Variants in ANK3 observed in about 807,000 individuals in gnomAD.
ANK3 encodes ankyrin-3.
In ANK3, 57 loss-of-function variants were observed where a neutral mutation model predicts 370.9. That is an observed-to-expected ratio of 0.15 (90% CI 0.12 to 0.19). ANK3 has a LOEUF of 0.19. ANK3 is among the 10% of genes least tolerant of loss of function. The pLI is 1.00. For missense variants in ANK3, 4,439 were observed against 5,302.1 expected, an observed-to-expected ratio of 0.84 and a Z score of 5.06; for synonymous variants, 1,929 against 1,946.3, an observed-to-expected ratio of 0.99 and a Z score of 0.23.
intron 1 of ANK3, among the ~76,000 whole-genome samples, chr10:60,681,755 T>C (rs562234870): frequency 1.3e-5 from 2 of 152,306 alleles, no homozygotes; most frequent in South Asian, 4.1e-4. Context: ...GACTTGGACA[T>C]GGAAGTAAGT....
At chr10:60,453,708 C>T (rs1180860277) in intron 2 of ANK3, among the ~76,000 whole-genome samples, 3 of 151,936 alleles carry the variant, frequency 2.0e-5, no homozygotes, top group Non-Finnish European at 2.9e-5. Context: ...AGGAAACAGC[C>T]TCTCTCTCTA....
intron 2 of ANK3, among the ~76,000 whole-genome samples, chr10:60,431,127 A>C (rs1343821367): frequency 6.6e-6 from 1 of 152,210 alleles, no homozygotes; most frequent in Non-Finnish European, 1.5e-5. Context: ...CAATGAAATA[A>C]TTACACAACT....
intron 1 of ANK3, among the ~76,000 whole-genome samples, chr10:60,318,218 G>A (rs1245127004): frequency 6.6e-6 from 1 of 151,982 alleles, no homozygotes; most frequent in Non-Finnish European, 1.5e-5. Flanking sequence ...ATTAAGCCTG[G>A]CATGCATTAG....
At chr10:60,340,786 C>T (rs1221926087) in intron 1 of ANK3, among the ~76,000 whole-genome samples, 1 of 152,154 alleles carries the variant, frequency 6.6e-6, no homozygotes, top group Non-Finnish European at 1.5e-5. Context: ...GGTGGCAACG[C>T]TGAGCAGCCA....
At chr10:60,371,647 C>T (rs1192882490) in intron 1 of ANK3, among the ~76,000 whole-genome samples, 1 of 152,114 alleles carries the variant, frequency 6.6e-6, no homozygotes, top group East Asian at 1.9e-4. Flanking sequence ...ATTCTCCAGT[C>T]AAGATAATTC....
chr10:60,078,110 G>C (rs1209160757), intron 36 of ANK3, among the ~76,000 whole-genome samples: 3 of 152,218 alleles, frequency 2.0e-5, no homozygotes, highest in Non-Finnish European at 2.9e-5. Flanking sequence ...GTTCAGAATA[G>C]TGAAACTCAA....
chr10:60,117,634 T>C (rs1198224899), intron 25 of ANK3, among the ~76,000 whole-genome samples: 1 of 152,078 alleles, frequency 6.6e-6, no homozygotes, highest in Non-Finnish European at 1.5e-5. Context: ...CTGGCCAACA[T>C]GGTGAAACCC....
chr10:60,363,934 C>G (rs2059012547), intron 1 of ANK3, among the ~76,000 whole-genome samples: 2 of 150,726 alleles, frequency 1.3e-5, no homozygotes. Context: ...AAAGGTGTTA[C>G]CAGCCCACTG....
intron 1 of ANK3, among the ~76,000 whole-genome samples, chr10:60,629,000 T>C (rs2078446968): frequency 6.6e-6 from 1 of 152,186 alleles, no homozygotes; most frequent in Non-Finnish European, 1.5e-5. Context: ...AAATAGTTTC[T>C]CTGCTTTTTT....
intron 1 of ANK3, among the ~76,000 whole-genome samples, chr10:60,643,212 C>G (rs2078659622): frequency 6.6e-6 from 1 of 152,088 alleles, no homozygotes; most frequent in Admixed American, 6.6e-5. Context: ...AGGAGAATAA[C>G]ATTTGAGTCA....
At chr10:60,397,696 T>G (rs773709436) in intron 2 of ANK3, among the ~76,000 whole-genome samples, 1 of 152,200 alleles carries the variant, frequency 6.6e-6, no homozygotes, top group African/African-American at 2.4e-5. Context: ...TCAGACTAAT[T>G]GAGTTTCATG....
At chr10:60,423,922 T>C (rs2063827813) in intron 2 of ANK3, among the ~76,000 whole-genome samples, 1 of 152,082 alleles carries the variant, frequency 6.6e-6, no homozygotes, top group Non-Finnish European at 1.5e-5. Context: ...TGATGGTGGT[T>C]TTAAAGAAAA....
chr10:60,636,599 C>G (rs577697241), intron 1 of ANK3, among the ~76,000 whole-genome samples: 2 of 152,288 alleles, frequency 1.3e-5, no homozygotes, highest in South Asian at 4.1e-4. Flanking sequence ...CCAGGAAAAA[C>G]AGCAGATTCT....
intron 37 of ANK3, 149 bp downstream of exon 37, chr10:60,068,488 C>T: frequency 1.2e-6 from 1 of 821,684 alleles, no homozygotes; most frequent in Non-Finnish European, 1.9e-6. Flanking sequence ...ATGACAATGA[C>T]ATAATGAGAA....
rs1189431623 is a variant in ANK3 at position 60,071,172 on chromosome 10, T to C, written c.9709A>G (p.Ser3237Gly). The C allele has an allele frequency of 6.2e-7, 1 of 1,614,046 alleles. No homozygotes were observed. The highest frequency in any genetic ancestry group is 8.5e-7 in the Non-Finnish European group (1 of 1,180,014). The change falls in exon 37 of 44, where the codon AGC becomes GGC. Residue 3237 changes from serine to glycine, a missense_variant. Physicochemically the swap from Ser to Gly is moderately conservative, Grantham distance 56. This residue lies in a region of ANK3 where 1,601 missense variants were observed against 1,731.7 expected (regional missense o/e 0.92). Transcript: ENST00000280772. ...TTGGGTCTTTGGTTAGAGTCTTTGCTCACGTCATTAGGCATTTCACGCTCA... is the reference window on the plus strand; with the variant it reads ...TTGGGTCTTTGGTTAGAGTCTTTGCCCACGTCATTAGGCATTTCACGCTCA... ...AVEREMPNDV[S>G]KDSNQRPKNN...
chr10:60,549,138 CAT>C (rs1303426443), intron 2 of ANK3, among the ~76,000 whole-genome samples: 5 of 97,618 alleles, frequency 5.1e-5, no homozygotes, highest in African/African-American at 1.7e-4. Flanking sequence ...GGGCATGTTT[CAT>C]ACACACACAC....
At chr10:60,398,968 G>A (rs2063299766) in intron 2 of ANK3, among the ~76,000 whole-genome samples, 1 of 152,026 alleles carries the variant, frequency 6.6e-6, no homozygotes, top group African/African-American at 2.4e-5. Flanking sequence ...TATTATATAC[G>A]ACACATATCT....
At chr10:60,167,144 C>T (rs549797500) in intron 21 of ANK3, among the ~76,000 whole-genome samples, 1 of 152,238 alleles carries the variant, frequency 6.6e-6, no homozygotes, top group East Asian at 1.9e-4. Context: ...AGATTTAGGT[C>T]TCTAATAAAG....
At chr10:60,663,325 A>T (rs545159314) in intron 1 of ANK3, among the ~76,000 whole-genome samples, 1 of 152,330 alleles carries the variant, frequency 6.6e-6, no homozygotes, top group East Asian at 1.9e-4. Context: ...CTCCTTGTTG[A>T]AGCTACTGGC....
Sources: gnomAD v4.1 joint callset for allele counts (sites outside exome capture counted in the v4.1 genomes callset) on GRCh38, gnomAD v4.1.1 for gene constraint, gnomAD v4.1.1 regional missense constraint, MANE v1.5 for transcripts, NCBI Gene and HGNC (gene_info 2026-07-23, HGNC 2026-07-21) for gene names.